RNF13: variants seen among roughly 807,000 people sequenced by gnomAD.
The protein encoded by RNF13 is E3 ubiquitin-protein ligase RNF13.
Under a neutral mutation model 37.7 loss-of-function variants are expected in RNF13, and 19 were observed. That is an observed-to-expected ratio of 0.50 (90% confidence interval 0.35 to 0.74). RNF13 has a LOEUF of 0.74. Ranked by LOEUF, RNF13 falls within the 30% of genes least tolerant of loss-of-function variation. The probability of loss-of-function intolerance (pLI) is 0.01; values close to 1 mark genes in which losing one functional copy is unlikely to be tolerated. For synonymous variants in RNF13, 144 were observed against 157.8 expected (o/e 0.91, Z 0.65); for missense variants, 375 against 453.0 (o/e 0.83, Z 1.56).
In RNF13 at chr3:149,944,504, G is replaced by A. The variant is rs561181553; in HGVS notation, c.701-15552G>A. On this transcript the variant is annotated intron_variant, in intron 8 of 9. Transcript: ENST00000392894. ...GTTGTTTCCTGACTTTTTAATGATC[G>A]CCATTCTAACTGGTGTGAGATGGTA... Among the ~76,000 whole-genome samples the A allele has an allele frequency of 3.9e-4, 60 of 152,166 alleles. 1 individual carries two copies. In the South Asian group the frequency reaches 0.012, roughly 31 times the overall value.
At chr3:149,905,976 C>A (rs561061750) in intron 6 of RNF13, among the ~76,000 whole-genome samples, 1 of 152,178 alleles carries the variant, frequency 6.6e-6, no homozygotes. Context: ...CATTTGCAGT[C>A]ACTTCCTATT....
chr3:149,887,451 C>T (rs144391726), intron 4 of RNF13, among the ~76,000 whole-genome samples: 27 of 152,248 alleles, frequency 1.8e-4, no homozygotes, highest in African/African-American at 6.3e-4. Context: ...CAGGCATGTG[C>T]CATCACACCC....
At chr3:149,825,885 G>T (rs1720453306) in intron 1 of RNF13, among the ~76,000 whole-genome samples, 1 of 152,144 alleles carries the variant, frequency 6.6e-6, no homozygotes, top group African/African-American at 2.4e-5. Context: ...TGAAGTTAAT[G>T]AACATATTCA....
chr3:149,959,925 A>G lies in RNF13; in HGVS notation c.701-131A>G. 8.1e-6 allele frequency: 5 copies of G among 613,938 alleles called. No homozygotes were observed. In the South Asian group the frequency reaches 1.1e-4, roughly 14 times the overall value. 38.0% of individuals were successfully genotyped at this position (613,938 alleles called of 1,614,324 possible). The stretch of plus-strand genomic sequence containing the variant: ...TGAAACTTCAGGTCCTAGGACTTAG[A>G]TAAGCAGATCCTTGAGTCCGATGCA... On this transcript the variant is annotated intron_variant, in intron 8 of 9. Coordinates refer to ENST00000392894, the MANE Select transcript of RNF13 (RefSeq NM_183381.3).
chr3:149,842,483 T>C (rs1238308308), intron 1 of RNF13, among the ~76,000 whole-genome samples: 2 of 152,176 alleles, frequency 1.3e-5, no homozygotes, highest in African/African-American at 4.8e-5. Context: ...GATAAAGCAA[T>C]TTTTGTAGTT....
intron 7 of RNF13, among the ~76,000 whole-genome samples, chr3:149,914,031 C>T (rs1406305608): frequency 6.6e-6 from 1 of 152,170 alleles, no homozygotes; most frequent in Non-Finnish European, 1.5e-5. Flanking sequence ...TATTCAACCA[C>T]TTTCATTAGT....
At chr3:149,846,270 C>T (rs1036244915) in intron 2 of RNF13, 130 bp downstream of exon 2, 7 of 586,034 alleles carry the variant, frequency 1.2e-5, no homozygotes, top group African/African-American at 9.4e-5. Context: ...AACACATATA[C>T]ACAGTTACTT....
At chr3:149,838,083 A>G (rs1282031076) in intron 1 of RNF13, among the ~76,000 whole-genome samples, 2 of 152,180 alleles carry the variant, frequency 1.3e-5, no homozygotes, top group Non-Finnish European at 2.9e-5. Flanking sequence ...TAAAGCTCCA[A>G]AATGATCTCC....
At chr3:149,960,199 C>A in intron 9 of RNF13, 63 bp downstream of exon 9, 2 of 1,127,776 alleles carry the variant, frequency 1.8e-6, no homozygotes, top group Non-Finnish European at 2.7e-6. Context: ...GTTCCATATT[C>A]CAGGGGAAGA....
intron 4 of RNF13, among the ~76,000 whole-genome samples, chr3:149,876,365 C>T (rs552991521): frequency 1.3e-5 from 2 of 152,338 alleles, no homozygotes; most frequent in Admixed American, 1.3e-4. Flanking sequence ...ATTATTCTCC[C>T]TTCCCACACC....
intron 2 of RNF13, among the ~76,000 whole-genome samples, chr3:149,851,820 A>G (rs1258905856): frequency 6.6e-6 from 1 of 152,202 alleles, no homozygotes; most frequent in Non-Finnish European, 1.5e-5. Flanking sequence ...TAAATGATAC[A>G]GCAAACTCAT....
At chr3:149,852,361 A>G (rs1299425581) in intron 2 of RNF13, among the ~76,000 whole-genome samples, 155 bp from the exon 3 acceptor site, 1 of 152,156 alleles carries the variant, frequency 6.6e-6, no homozygotes, top group Non-Finnish European at 1.5e-5. Flanking sequence ...CTTCTATTTT[A>G]GTGGATGTAC....
chr3:149,946,838 C>G (rs539564858), intron 8 of RNF13, among the ~76,000 whole-genome samples: 27 of 152,204 alleles, frequency 1.8e-4, no homozygotes, highest in African/African-American at 6.5e-4. Context: ...GTGGATTTAG[C>G]TTATTTTTCA....
At chr3:149,829,878 G>GC (rs1720877773) in intron 1 of RNF13, among the ~76,000 whole-genome samples, 2 of 152,170 alleles carry the variant, frequency 1.3e-5, no homozygotes, top group African/African-American at 2.4e-5. Context: ...AATCATGGGG[G>GC]TGGTTTTTTC....
At chr3:149,909,112 G>C (rs531197644) in intron 6 of RNF13, among the ~76,000 whole-genome samples, 49 of 152,264 alleles carry the variant, frequency 3.2e-4, no homozygotes, top group Middle Eastern at 3.4e-3. Context: ...GGAGACCTGG[G>C]CTGACAGAAG....
intron 4 of RNF13, among the ~76,000 whole-genome samples, chr3:149,882,215 T>C (rs1280449223): frequency 7.8e-6 from 1 of 127,732 alleles, no homozygotes; most frequent in Non-Finnish European, 1.6e-5. Context: ...GTGGGGAAAA[T>C]GCAACATATC....
At chr3:149,859,842 A>G (rs1248165698) in intron 3 of RNF13, among the ~76,000 whole-genome samples, 4 of 152,142 alleles carry the variant, frequency 2.6e-5, no homozygotes, top group Admixed American at 2.0e-4. Context: ...CAAAATGTCA[A>G]TGTCATTTTT....
rs530688455 is a variant in RNF13 at position 149,945,076 on chromosome 3, T to C, written c.701-14980T>C. ...ATTTATTAAATAGGGAATCCTTTCC[T>C]CATTTCTTGTTTTTGTCAGGTTTGT... On this transcript the variant is annotated intron_variant, in intron 8 of 9. Transcript: ENST00000392894. Among the ~76,000 whole-genome samples the C allele has an allele frequency of 6.4e-4, 97 of 152,328 alleles. 1 individual carries two copies. Among genetic ancestry groups the C allele is most frequent in the Non-Finnish European group, 1.1e-3 (76 of 68,024 alleles).
At chr3:149,915,208 G>C (rs1184231790) in intron 7 of RNF13, among the ~76,000 whole-genome samples, 1 of 152,012 alleles carries the variant, frequency 6.6e-6, no homozygotes, top group Admixed American at 6.6e-5. Flanking sequence ...ATATTCTGGG[G>C]ATAAATCCTG....
Sources: gnomAD v4.1 joint callset for allele counts (sites outside exome capture counted in the v4.1 genomes callset) on GRCh38, gnomAD v4.1.1 for gene constraint, MANE v1.5 for transcripts, NCBI Gene and HGNC (gene_info 2026-07-23, HGNC 2026-07-21) for gene names.